Variants in FCMR observed in about 807,000 individuals in gnomAD.
The protein encoded by FCMR is immunoglobulin mu Fc receptor.
A neutral mutation model predicts 41.6 loss-of-function variants in FCMR; 34 were observed. That is an observed-to-expected ratio of 0.82 (90% CI 0.62 to 1.09). The LOEUF (loss-of-function observed/expected upper bound fraction) is 1.09. Ranked by LOEUF, FCMR falls within the 50% of genes least tolerant of loss-of-function variation. The probability of loss-of-function intolerance (pLI) is 0.00; values close to 1 mark genes in which losing one functional copy is unlikely to be tolerated. For missense variants in FCMR, 496 were observed against 512.5 expected (o/e 0.97, Z 0.31); for synonymous variants, 209 against 211.8 (o/e 0.99, Z 0.12).
intron 7 of FCMR, chr1:206,906,175 G>A (rs1019769156): frequency 3.9e-6 from 2 of 517,992 alleles, no homozygotes; most frequent in Non-Finnish European, 7.8e-6. Context: ...AGCTCAAGAT[G>A]TCAACCCGAA....
intron 1 of FCMR, among the ~76,000 whole-genome samples, chr1:206,915,618 G>A (rs1187933219): frequency 6.6e-6 from 1 of 152,160 alleles, no homozygotes; most frequent in African/African-American, 2.4e-5. Flanking sequence ...CCAACTAAGC[G>A]GATCCCATAA....
intron 4 of FCMR, among the ~76,000 whole-genome samples, 166 bp downstream of exon 4, chr1:206,911,564 T>G (rs779483593): frequency 6.6e-5 from 10 of 152,206 alleles, no homozygotes; most frequent in Non-Finnish European, 1.0e-4. Flanking sequence ...CAAGTGTGTT[T>G]TTGTTAAAGG....
chr1:206,909,568 C>T lies in FCMR; in HGVS notation c.986-48G>A. ...TGAGGCGGCGGCCGAGGCTCCCGCC[C>T]CACCGTCATGCTACTACTCCCAGCT... is the stretch of plus-strand genomic sequence containing the variant. On this transcript the variant is annotated intron_variant, in intron 6 of 7. Transcript: ENST00000367091. The surrounding 1 kb of genome is among the most constrained non-coding windows in gnomAD (Gnocchi z 5.0). The T allele has an allele frequency of 1.6e-6, 2 of 1,289,202 alleles. No individual in the cohort carries two copies. The highest frequency in any genetic ancestry group is 2.0e-6 in the Non-Finnish European group (2 of 1,007,978). The allele number at this position is 1,289,202 out of a possible 1,614,324, so 79.9% of individuals were successfully genotyped here.
chr1:206,907,599 T>G (rs1340717921), intron 7 of FCMR: 2 of 698,918 alleles, frequency 2.9e-6, no homozygotes, highest in Non-Finnish European at 5.4e-6. Flanking sequence ...GGATTTTCTT[T>G]TCCCAGGCGG....
At chr1:206,920,279 A>T (rs534172116) in intron 1 of FCMR, among the ~76,000 whole-genome samples, 1 of 152,080 alleles carries the variant, frequency 6.6e-6, no homozygotes, top group East Asian at 1.9e-4. Context: ...ACATGGGAAA[A>T]CCCCGTCTCT....
chr1:206,910,159 T>G (rs1256837061), intron 5 of FCMR, 51 bp downstream of exon 5: 1 of 1,513,890 alleles, frequency 6.6e-7, no homozygotes. Context: ...TTCTGAACGC[T>G]GTGGGCTCTT....
At chr1:206,910,855 C>T (rs1678910713) in intron 4 of FCMR, among the ~76,000 whole-genome samples, 1 of 152,034 alleles carries the variant, frequency 6.6e-6, no homozygotes, top group African/African-American at 2.4e-5. Flanking sequence ...TGTGTAAGTC[C>T]TCTTTTCTTC....
chr1:206,903,893 G>C lies in FCMR; in HGVS notation c.*1126C>G, dbSNP rs933543180. On this transcript the variant is annotated 3_prime_UTR_variant, in exon 8 of 8. Transcript: ENST00000367091. ...CTGGCAGACTTTCTTCTCTATTTCT[G>C]GATGAATGCCCAGTGAGACTGTGTT... 9 of 152,304 alleles carry C rather than the reference G, an allele frequency of 5.9e-5. No individual in the cohort carries two copies. Among genetic ancestry groups the C allele is most frequent in the Non-Finnish European group, 1.3e-4 (9 of 68,022 alleles). 9.4% of individuals were successfully genotyped at this position (152,304 alleles called of 1,614,324 possible). A position where few individuals can be genotyped will look rare whatever the true frequency, so the allele number is the denominator to read the frequency against.
Position 206,905,091 on chromosome 1 carries a change from C to T in FCMR, c.1101G>A (p.Val367=), listed in dbSNP as rs752867181. Residue 367 remains valine (V), a synonymous_variant, in exon 8 of 8, where the codon GTG becomes GTA. Transcript: ENST00000367091. ...TGGCGGCAGGCTGGTGGTAGAGGCT[C>T]ACGTATTCACAGCTGGTCTTCAGAG... ...APSLKTSCEY[V]SLYHQPAAMM... is the part of the protein sequence containing the mutation. The T allele has an allele frequency of 1.5e-5, 25 of 1,613,876 alleles. No homozygotes were observed. Among genetic ancestry groups the T allele is most frequent in the Admixed American group, 5.0e-5 (3 of 59,996 alleles).
At chr1:206,906,768 G>A (rs1041103098) in intron 7 of FCMR, among the ~76,000 whole-genome samples, 2 of 151,930 alleles carry the variant, frequency 1.3e-5, no homozygotes, top group African/African-American at 2.4e-5. Context: ...GTGAGGGTCT[G>A]TGTGGTCACA....
At position 206,913,047 on chromosome 1, in the gene FCMR, T is replaced by C. The variant is rs1558002745; in HGVS notation, c.374-5A>G. 2 of 1,605,648 alleles carry C rather than the reference T, an allele frequency of 1.2e-6. No homozygotes were observed. The highest frequency in any genetic ancestry group is 3.3e-5 in the Admixed American group (2 of 59,972). On this transcript the variant is annotated splice_region_variant and splice_polypyrimidine_tract_variant and intron_variant, in intron 2 of 7. Transcript: ENST00000367091. ...CTTCCCATGATGGCTCGTATTCTAT[T>C]GGAAGGAAGAGGAATATGTTGGTGG...
In FCMR at chr1:206,914,038, AT is replaced by A; in HGVS notation, c.93del (p.Ser32GlnfsTer13). 6.2e-7 allele frequency: 1 copy of A among 1,614,186 alleles called. No homozygotes were observed. Among genetic ancestry groups the A allele is most frequent in the Non-Finnish European group, 8.5e-7 (1 of 1,180,048 alleles). On this transcript the variant is annotated frameshift_variant, in exon 2 of 8. Coordinates refer to ENST00000367091, the MANE Select transcript of FCMR (RefSeq NM_005449.5). LOFTEE classifies it high-confidence loss of function. ...GGAAGTGGGCACTTGATGGTAACTG[AT>A]CCGCCCAGCTCCCCCTCTACCTTTA... ...PEVKVEGELG[G>X]SVTIKCPLPE...
At position 206,909,482 on chromosome 1, in the gene FCMR, A is replaced by G; in HGVS notation, c.1024T>C (p.Leu342=). Residue 342 remains leucine, a synonymous_variant, in exon 7 of 8, where the codon TTG becomes CTG. Transcript: ENST00000367091. This position sits in a 1 kb window ranked among gnomAD's most constrained non-coding sequence, Gnocchi z 5.0. ...CTTACCTGCAGCGGGGCGGGGGGCA[A>G]CGGCGCTCCGGGGCCGGGAACGGGG... ...EAPVPGPGAP[L]PPAPLQVSES... 1 of 1,283,818 alleles carries G rather than the reference A, an allele frequency of 7.8e-7. No individual in the cohort carries two copies. The highest frequency in any genetic ancestry group is 9.8e-7 in the Non-Finnish European group (1 of 1,016,958). The allele number at this position is 1,283,818 out of a possible 1,614,324, so 79.5% of individuals were successfully genotyped here.
rs767239321 is a variant in FCMR at position 206,912,943 on chromosome 1, T to C, written c.473A>G (p.Lys158Arg). The change falls in exon 3 of 8, where the codon AAA becomes AGA. Residue 158 changes from lysine to arginine, a missense_variant. By Grantham distance (26) the Lys-to-Arg change is conservative (BLOSUM62 2). Transcript: ENST00000367091. ...FQMPAYASSSKFVTRVTTPAQ... is the reference protein window; with the variant it reads ...FQMPAYASSSRFVTRVTTPAQ... ...GGTGAACTGACCTCTGGTTACGAAT[T>C]TGGAAGAACTGGCATATGCAGGCAT... 2 of 1,612,282 alleles carry C rather than the reference T, an allele frequency of 1.2e-6. No homozygotes were observed. The highest frequency in any genetic ancestry group is 1.7e-6 in the Non-Finnish European group (2 of 1,178,364).
chr1:206,915,410 A>G (rs1224794767), intron 1 of FCMR, among the ~76,000 whole-genome samples: 1 of 152,130 alleles, frequency 6.6e-6, no homozygotes, highest in African/African-American at 2.4e-5. Flanking sequence ...TCATGGAGGC[A>G]GGGGACATAG....
chr1:206,907,438 C>T lies in FCMR; in HGVS notation c.1044+2024G>A, dbSNP rs571114864. Reference sequence around the variant, plus strand: ...CAACCAGACAGAGGGAATTTCAGTCCCGAGATGACCTCTTGGCTCACTGGC... The same window carrying T: ...CAACCAGACAGAGGGAATTTCAGTCTCGAGATGACCTCTTGGCTCACTGGC... On this transcript the variant is annotated intron_variant, in intron 7 of 7. Transcript: ENST00000367091. 3.9e-5 allele frequency among the ~76,000 whole-genome samples: 6 copies of T among 152,288 alleles called. No homozygotes were observed. In the South Asian group the frequency reaches 1.2e-3, roughly 32 times the overall value.
intron 1 of FCMR, chr1:206,917,747 C>G: frequency 2.2e-6 from 1 of 448,480 alleles, no homozygotes; most frequent in South Asian, 1.6e-5. Flanking sequence ...CCACTTCAGC[C>G]TCCTGAATAG....
chr1:206,913,992 T>C lies in FCMR; in HGVS notation c.140A>G (p.Tyr47Cys). 1 of 1,614,170 alleles carries C rather than the reference T, an allele frequency of 6.2e-7. No homozygotes were observed. Among genetic ancestry groups the C allele is most frequent in the East Asian group, 2.2e-5 (1 of 44,892 alleles). ...CPLPEMHVRI[Y>C]LCREMAGSGT... ...AGATCCAGCCATCTCCCGGCACAGA[T>C]ATATCCTCACATGCATTTCAGGAAG... Residue 47 changes from tyrosine (Y) to cysteine (C), a missense_variant, in exon 2 of 8, where the codon TAT (tyrosine) becomes TGT (cysteine). By Grantham distance (194) the Tyr-to-Cys change is radical (BLOSUM62 -2). Transcript: ENST00000367091.
chr1:206,910,952 G>A (rs1678913625), intron 4 of FCMR, among the ~76,000 whole-genome samples: 1 of 152,166 alleles, frequency 6.6e-6, no homozygotes, highest in South Asian at 2.1e-4. Flanking sequence ...ACTTTATCAA[G>A]TCAGACTTAT....
Sources: gnomAD v4.1 joint callset for allele counts (sites outside exome capture counted in the v4.1 genomes callset) on GRCh38, gnomAD v4.1.1 for gene constraint, Gnocchi (gnomAD v3.1) non-coding constraint, MANE v1.5 for transcripts, NCBI Gene and HGNC (gene_info 2026-07-23, HGNC 2026-07-21) for gene names.